The following ZNF804A variants were observed in gnomAD, a reference collection of about 807,000 sequenced individuals.
The protein encoded by ZNF804A is zinc finger protein 804A.
Under a neutral mutation model 16.5 loss-of-function variants are expected in ZNF804A, and 2 were observed. The ratio of observed to expected loss-of-function variants is 0.12; its 90% CI spans 0.05 to 0.38. ZNF804A has a LOEUF of 0.38. Among genes scored for constraint, ZNF804A ranks in the 10% least tolerant of loss-of-function variants. The pLI is 0.99. For synonymous variants in ZNF804A, 534 were observed against 489.6 expected (o/e 1.09, Z -1.20); for missense variants, 1,473 against 1,390.7 (o/e 1.06, Z -0.94).
chr2:184,804,744 A>T (rs537754253), intron 1 of ZNF804A, among the ~76,000 whole-genome samples: 37 of 152,338 alleles, frequency 2.4e-4, no homozygotes, highest in African/African-American at 7.9e-4. Flanking sequence ...TGTATCCAGG[A>T]AATACAACTC....
intron 1 of ZNF804A, among the ~76,000 whole-genome samples, chr2:184,716,768 T>C (rs1693221196): frequency 6.6e-6 from 1 of 152,254 alleles, no homozygotes; most frequent in East Asian, 1.9e-4. Flanking sequence ...AGTGTTTTAG[T>C]TGGTTTGTGT....
intron 1 of ZNF804A, among the ~76,000 whole-genome samples, chr2:184,722,666 A>T (rs887648302): frequency 3.3e-5 from 5 of 151,988 alleles, no homozygotes; most frequent in Non-Finnish European, 7.4e-5. Flanking sequence ...TTCAACAATG[A>T]AAGTTATAAC....
chr2:184,634,482 T>C (rs1174531367), intron 1 of ZNF804A, among the ~76,000 whole-genome samples: 1 of 151,814 alleles, frequency 6.6e-6, no homozygotes. Context: ...AGGATCCTTA[T>C]AGGGAAAGAG....
chr2:184,730,623 A>G (rs941761790), intron 1 of ZNF804A, among the ~76,000 whole-genome samples: 1 of 152,174 alleles, frequency 6.6e-6, no homozygotes, highest in African/African-American at 2.4e-5. Flanking sequence ...TTTGAAGCAC[A>G]GTATGTAGCT....
chr2:184,694,683 T>C (rs1199253458), intron 1 of ZNF804A, among the ~76,000 whole-genome samples: 5 of 152,244 alleles, frequency 3.3e-5, no homozygotes, highest in Non-Finnish European at 7.3e-5. Flanking sequence ...GCTTGAAATT[T>C]GAATTTCAGA....
intron 1 of ZNF804A, among the ~76,000 whole-genome samples, chr2:184,789,850 T>G (rs1694506729): frequency 6.6e-6 from 1 of 152,042 alleles, no homozygotes; most frequent in Admixed American, 6.5e-5. Flanking sequence ...CTTTTTTTAT[T>G]TCTTTTCTTC....
chr2:184,730,295 C>T (rs1693491819), intron 1 of ZNF804A, among the ~76,000 whole-genome samples: 2 of 151,924 alleles, frequency 1.3e-5, no homozygotes, highest in Non-Finnish European at 2.9e-5. Flanking sequence ...ACTCCTTGTC[C>T]CTGTGTATCC....
intron 1 of ZNF804A, among the ~76,000 whole-genome samples, chr2:184,657,421 T>G (rs915030900): frequency 8.5e-5 from 13 of 152,220 alleles, no homozygotes; most frequent in Admixed American, 6.5e-5. Context: ...CACTTGCTTT[T>G]AATTGTCAAT....
intron 1 of ZNF804A, among the ~76,000 whole-genome samples, chr2:184,751,657 C>T (rs1257310937): frequency 1.3e-5 from 2 of 151,304 alleles, no homozygotes; most frequent in Non-Finnish European, 3.0e-5. Flanking sequence ...ACTAAAACGC[C>T]TCTGCATAGT....
intron 2 of ZNF804A, among the ~76,000 whole-genome samples, chr2:184,878,895 A>G (rs976299474): frequency 2.6e-5 from 4 of 152,046 alleles, no homozygotes; most frequent in African/African-American, 7.2e-5. Flanking sequence ...TTCAAATTAT[A>G]TCAAATTTGA....
rs574632252 is a variant in ZNF804A, at chr2:184,598,882, C to T, written c.-78C>T. The T allele has an allele frequency of 2.2e-6, 2 of 926,870 alleles. No individual in the cohort carries two copies. The highest frequency in any genetic ancestry group is 2.2e-5 in the South Asian group (1 of 44,886). The allele number at this position is 926,870 out of a possible 1,614,324, so 57.4% of individuals were successfully genotyped here. ...GTGGCGGGTTCCCAGCCCACCGTCG[C>T]CGGCCCCGGCGCGCTGCGGCTGTGG... On this transcript the variant is annotated 5_prime_UTR_variant, in exon 1 of 4. Coordinates refer to ENST00000302277, the MANE Select transcript of ZNF804A (RefSeq NM_194250.2).
intron 1 of ZNF804A, among the ~76,000 whole-genome samples, chr2:184,626,855 G>A (rs1297604308): frequency 6.6e-6 from 1 of 152,042 alleles, no homozygotes; most frequent in Non-Finnish European, 1.5e-5. Flanking sequence ...ATAACAATTG[G>A]GATGGGTATG....
chr2:184,777,483 A>T (rs965694898), intron 1 of ZNF804A, among the ~76,000 whole-genome samples: 5 of 151,536 alleles, frequency 3.3e-5, no homozygotes, highest in Admixed American at 6.6e-5. Context: ...CTCTCTCAGC[A>T]TCACTGTCAT....
chr2:184,788,910 C>G (rs1056678123), intron 1 of ZNF804A, among the ~76,000 whole-genome samples: 4 of 151,902 alleles, frequency 2.6e-5, no homozygotes, highest in African/African-American at 2.4e-5. Flanking sequence ...CTTGTTTTGT[C>G]TCAGTTCCTG....
chr2:184,759,446 C>G (rs1281367282), intron 1 of ZNF804A, among the ~76,000 whole-genome samples: 1 of 151,602 alleles, frequency 6.6e-6, no homozygotes, highest in South Asian at 2.1e-4. Context: ...AGATAAATTG[C>G]ATACCACCTT....
intron 1 of ZNF804A, among the ~76,000 whole-genome samples, chr2:184,791,038 A>G (rs976733611): frequency 6.6e-6 from 1 of 151,782 alleles, no homozygotes; most frequent in Non-Finnish European, 1.5e-5. Flanking sequence ...ATCTTTCTCT[A>G]CCCTTTTGCT....
intron 1 of ZNF804A, among the ~76,000 whole-genome samples, chr2:184,718,946 G>T (rs1201755778): frequency 6.6e-6 from 1 of 152,084 alleles, no homozygotes; most frequent in East Asian, 1.9e-4. Context: ...CTGCATGGGG[G>T]CTCTGACCCC....
intron 1 of ZNF804A, among the ~76,000 whole-genome samples, chr2:184,856,680 T>C (rs1407930022): frequency 6.6e-6 from 1 of 152,112 alleles, no homozygotes; most frequent in Admixed American, 6.6e-5. Context: ...TTGCTTTCTG[T>C]TGGTTCAGTA....
intron 1 of ZNF804A, among the ~76,000 whole-genome samples, chr2:184,623,997 CA>C (rs1337504438): frequency 6.6e-6 from 1 of 152,040 alleles, no homozygotes; most frequent in Non-Finnish European, 1.5e-5. Context: ...AACAATTAGT[CA>C]GGGGGACTAA....
Sources: allele counts gnomAD v4.1 joint callset (sites outside exome capture counted in the v4.1 genomes callset), GRCh38; gene constraint gnomAD v4.1.1; transcripts MANE v1.5; gene names NCBI Gene and HGNC (gene_info 2026-07-23, HGNC 2026-07-21).